The following L3MBTL4 variants were observed in gnomAD, a reference collection of about 807,000 sequenced individuals.
The protein encoded by L3MBTL4 is L3MBTL histone methyl-lysine binding protein 4.
L3MBTL4 carries 70 observed loss-of-function variants against 84.5 expected under a neutral mutation model. The ratio of observed to expected loss-of-function variants is 0.83; its 90% CI spans 0.68 to 1.01. The LOEUF (loss-of-function observed/expected upper bound fraction) is 1.01, where lower values mean the gene tolerates loss of function less well. Ranked by LOEUF, L3MBTL4 falls within the 50% of genes least tolerant of loss-of-function variation. The pLI, the probability that L3MBTL4 is intolerant of heterozygous loss-of-function variation, is 0.00. For synonymous variants in L3MBTL4, 274 were observed against 259.8 expected (o/e 1.05, Z -0.52); for missense variants, 715 against 754.8 (o/e 0.95, Z 0.62).
At chr18:6,030,946 A>ACT in intron 16 of L3MBTL4, 1 of 984,946 alleles carries the variant, frequency 1.0e-6, no homozygotes, top group Non-Finnish European at 1.2e-6. Flanking sequence ...ATTGTTATGA[A>ACT]ATACTCAATG....
At chr18:6,316,039 G>A (rs986209003) in intron 1 of L3MBTL4, among the ~76,000 whole-genome samples, 5 of 151,868 alleles carry the variant, frequency 3.3e-5, no homozygotes, top group South Asian at 2.1e-4. Context: ...TCACTCTCAC[G>A]GAGTCCATGC....
chr18:6,230,230 C>T (rs568949259), intron 10 of L3MBTL4, among the ~76,000 whole-genome samples: 8 of 152,122 alleles, frequency 5.3e-5, no homozygotes, highest in African/African-American at 1.9e-4. Context: ...CTCTCTCCTC[C>T]CACTCTCCAC....
At chr18:6,404,135 T>C (rs372893525) in intron 1 of L3MBTL4, among the ~76,000 whole-genome samples, 1 of 152,044 alleles carries the variant, frequency 6.6e-6, no homozygotes, top group Non-Finnish European at 1.5e-5. Flanking sequence ...AGACTACACA[T>C]TGGGTACAGT....
Position 6,223,303 on chromosome 18 carries a change from C to A in L3MBTL4, c.785-7468G>T, listed in dbSNP as rs115644586. On this transcript the variant is annotated intron_variant, in intron 10 of 18. Coordinates refer to ENST00000317931, the MANE Select transcript of L3MBTL4 (RefSeq NM_001330559.2). ...TTTTAGCTGTGTTCCCTTCTAAATG[C>A]CAACAGGTATCAATAAAGGCATTTT... 4.9e-3 allele frequency among the ~76,000 whole-genome samples: 747 copies of A among 152,136 alleles called. 11 individuals are homozygous for A. The highest frequency in any genetic ancestry group is 0.017 in the African/African-American group (721 of 41,490).
In L3MBTL4 at chr18:6,004,145, GA is replaced by G. The variant is rs574021390; in HGVS notation, c.1445-34584del. Among the ~76,000 whole-genome samples the G allele has an allele frequency of 3.1e-3, 466 of 151,666 alleles. 3 individuals carry two copies. Among genetic ancestry groups the G allele is most frequent in the African/African-American group, 0.011 (435 of 41,370 alleles). On this transcript the variant is annotated intron_variant, in intron 16 of 18. Coordinates refer to ENST00000317931, the MANE Select transcript of L3MBTL4 (RefSeq NM_001330559.2). ...GCAAAACTTTAGCTAGATTGACTAAGAAAAAAAACGAATACTCAAATTACTA... is the reference window on the plus strand; with the variant it reads ...GCAAAACTTTAGCTAGATTGACTAAGAAAAAAACGAATACTCAAATTACTA...
At chr18:6,269,496 G>A (rs538196607) in intron 4 of L3MBTL4, among the ~76,000 whole-genome samples, 11 of 152,112 alleles carry the variant, frequency 7.2e-5, no homozygotes, top group South Asian at 6.2e-4. Context: ...ACTTTTGAAA[G>A]TCATGTCGAC....
intron 9 of L3MBTL4, among the ~76,000 whole-genome samples, chr18:6,239,219 T>C (rs901329103): frequency 2.5e-4 from 37 of 150,714 alleles, no homozygotes; most frequent in African/African-American, 9.0e-4. Context: ...CGGGCGCCTG[T>C]AGTCCCAGCT....
chr18:6,195,963 G>A (rs573810745), intron 12 of L3MBTL4, among the ~76,000 whole-genome samples: 9 of 151,786 alleles, frequency 5.9e-5, no homozygotes, highest in East Asian at 5.8e-4. Context: ...AGCTCCCTTC[G>A]CCCTAGCCCT....
chr18:6,255,938 T>C (rs1322445418), intron 5 of L3MBTL4, among the ~76,000 whole-genome samples: 1 of 152,212 alleles, frequency 6.6e-6, no homozygotes, highest in African/African-American at 2.4e-5. Flanking sequence ...TGGTCATCAT[T>C]TGGCTTATGA....
intron 1 of L3MBTL4, chr18:6,396,519 G>A (rs563077998): frequency 1.6e-4 from 25 of 152,402 alleles, no homozygotes; most frequent in South Asian, 6.2e-4. Flanking sequence ...GTTCAAGAGG[G>A]TATGGATTTT....
At chr18:6,188,115 C>T (rs2044871136) in intron 12 of L3MBTL4, among the ~76,000 whole-genome samples, 1 of 152,010 alleles carries the variant, frequency 6.6e-6, no homozygotes. Context: ...GCCTCCCTCA[C>T]TTTTCTACCT....
At chr18:6,295,366 A>G (rs1042820349) in intron 4 of L3MBTL4, among the ~76,000 whole-genome samples, 1 of 148,530 alleles carries the variant, frequency 6.7e-6, no homozygotes, top group African/African-American at 2.5e-5. Flanking sequence ...ATATATATAT[A>G]TATATACAGC....
At chr18:6,186,712 C>T (rs149424494) in intron 12 of L3MBTL4, among the ~76,000 whole-genome samples, 2 of 152,224 alleles carry the variant, frequency 1.3e-5, no homozygotes, top group East Asian at 3.9e-4. Flanking sequence ...GCAAACGCAC[C>T]TTCCTTCCGG....
intron 16 of L3MBTL4, among the ~76,000 whole-genome samples, chr18:6,078,253 C>T (rs2057930083): frequency 6.6e-6 from 1 of 151,012 alleles, no homozygotes; most frequent in African/African-American, 2.4e-5. Flanking sequence ...ATGGTGAAAC[C>T]CCATCTCTGC....
intron 10 of L3MBTL4, among the ~76,000 whole-genome samples, chr18:6,217,446 T>C (rs1483970572): frequency 6.6e-6 from 1 of 152,242 alleles, no homozygotes; most frequent in Non-Finnish European, 1.5e-5. Flanking sequence ...AGGTGGATTA[T>C]TGCCTTCAGA....
chr18:6,323,872 C>G (rs1056116399), intron 1 of L3MBTL4, among the ~76,000 whole-genome samples: 10 of 152,204 alleles, frequency 6.6e-5, no homozygotes, highest in African/African-American at 2.4e-4. Flanking sequence ...ATAGCTAAGA[C>G]AATAGGGAAA....
At chr18:6,167,279 A>C (rs2043720490) in intron 13 of L3MBTL4, among the ~76,000 whole-genome samples, 1 of 152,230 alleles carries the variant, frequency 6.6e-6, no homozygotes, top group Admixed American at 6.5e-5. Context: ...TCTTCCTGAA[A>C]CTATTCCAAT....
At chr18:6,012,018 A>C (rs2054762905) in intron 16 of L3MBTL4, among the ~76,000 whole-genome samples, 1 of 152,206 alleles carries the variant, frequency 6.6e-6, no homozygotes, top group Non-Finnish European at 1.5e-5. Flanking sequence ...AAGCACATTA[A>C]ATTCAAGTTT....
intron 1 of L3MBTL4, among the ~76,000 whole-genome samples, chr18:6,343,528 G>C (rs1159244599): frequency 6.6e-6 from 1 of 152,034 alleles, no homozygotes; most frequent in Non-Finnish European, 1.5e-5. Flanking sequence ...AGCCGGGCAT[G>C]GTGGGCACCT....
Sources: gnomAD v4.1 joint callset for allele counts (sites outside exome capture counted in the v4.1 genomes callset) on GRCh38, gnomAD v4.1.1 for gene constraint, MANE v1.5 for transcripts, NCBI Gene and HGNC (gene_info 2026-07-23, HGNC 2026-07-21) for gene names.